The following EBF2 variants were observed in gnomAD, a reference collection of about 807,000 sequenced individuals.
The protein encoded by EBF2 is transcription factor COE2.
In EBF2, 21 loss-of-function variants were observed where a neutral mutation model predicts 72.8. The ratio of observed to expected loss-of-function variants is 0.29; its 90% confidence interval spans 0.20 to 0.42. The LOEUF is 0.42. EBF2 is among the 10% of genes least tolerant of loss of function. The pLI, the probability that EBF2 is intolerant of heterozygous loss-of-function variation, is 1.00. For synonymous variants in EBF2, 299 were observed against 274.2 expected (o/e 1.09, Z -0.89); for missense variants, 637 against 731.2 (o/e 0.87, Z 1.49).
chr8:25,852,222 G>GACAC (rs1309983050), intron 14 of EBF2, among the ~76,000 whole-genome samples: 1 of 152,130 alleles, frequency 6.6e-6, no homozygotes, highest in African/African-American at 2.4e-5. Context: ...ACATAATAAG[G>GACAC]ACACAGGGTT....
intron 14 of EBF2, among the ~76,000 whole-genome samples, chr8:25,854,731 G>A (rs1296438969): frequency 1.3e-5 from 2 of 151,870 alleles, no homozygotes; most frequent in Admixed American, 6.6e-5. Context: ...GTGGGAGTAC[G>A]CTTTCTTTTA....
At chr8:25,938,555 C>A (rs1282322856) in intron 6 of EBF2, among the ~76,000 whole-genome samples, 1 of 152,076 alleles carries the variant, frequency 6.6e-6, no homozygotes, top group East Asian at 1.9e-4. Flanking sequence ...GAGCTATGAT[C>A]ATTGACAGAA....
chr8:26,041,212 C>G (rs1218095287), intron 2 of EBF2: 1 of 606,498 alleles, frequency 1.6e-6, no homozygotes, highest in South Asian at 2.0e-5. Context: ...CCACTTGACC[C>G]TTTCCAGCCC....
chr8:25,938,013 T>G (rs1407229804), intron 6 of EBF2, among the ~76,000 whole-genome samples: 2 of 152,152 alleles, frequency 1.3e-5, no homozygotes, highest in Non-Finnish European at 2.9e-5. Flanking sequence ...GCAGTAACTT[T>G]TATGTCTTAT....
chr8:25,957,783 T>C (rs1803973484), intron 6 of EBF2, among the ~76,000 whole-genome samples: 1 of 152,202 alleles, frequency 6.6e-6, no homozygotes, highest in Non-Finnish European at 1.5e-5. Flanking sequence ...AAAGGATCAC[T>C]TGAGCCCAGG....
intron 1 of EBF2, among the ~76,000 whole-genome samples, chr8:26,043,066 G>T (rs1805632926): frequency 6.6e-6 from 1 of 152,228 alleles, no homozygotes; most frequent in African/African-American, 2.4e-5. Context: ...CACTCATGCT[G>T]CGTTTTCTGG....
intron 6 of EBF2, among the ~76,000 whole-genome samples, chr8:26,012,419 C>A (rs6997320): frequency 0.15 from 22,105 of 152,088 alleles, 1,731 homozygotes; most frequent in Non-Finnish European, 0.18. Flanking sequence ...GAGAAATATG[C>A]CTTAACCCTA....
chr8:25,867,026 A>C (rs1457978642), intron 10 of EBF2, among the ~76,000 whole-genome samples: 1 of 152,202 alleles, frequency 6.6e-6, no homozygotes, highest in Non-Finnish European at 1.5e-5. Context: ...AGATATAACC[A>C]TTAATACCAG....
intron 14 of EBF2, 104 bp from the exon 15 acceptor site, chr8:25,850,865 C>G (rs1030488519): frequency 7.5e-7 from 1 of 1,329,106 alleles, no homozygotes; most frequent in Non-Finnish European, 1.0e-6. Flanking sequence ...ATGCATTGTT[C>G]CAGATTGCAG....
Position 25,973,591 on chromosome 8 carries a change from A to G in EBF2, c.551+59494T>C, listed in dbSNP as rs570903772. 3.9e-5 allele frequency among the ~76,000 whole-genome samples: 6 copies of G among 152,338 alleles called. No individual in the cohort carries two copies. The South Asian group carries it at 1.2e-3, about 32-fold the overall frequency. On this transcript the variant is annotated intron_variant, in intron 6 of 15. Coordinates refer to ENST00000520164, the MANE Select transcript of EBF2 (RefSeq NM_022659.4). ...AAAGTTAACTTAAAAGAAAACAAAC[A>G]ACTCTCAAATCACATTTCCATCCTC...
At chr8:25,890,460 G>C (rs190049583) in intron 7 of EBF2, among the ~76,000 whole-genome samples, 22 of 152,318 alleles carry the variant, frequency 1.4e-4, no homozygotes, top group Non-Finnish European at 3.1e-4. Context: ...ATGAGGGTGA[G>C]GGGAGAGGTG....
chr8:25,998,731 T>C (rs1804675717), intron 6 of EBF2, among the ~76,000 whole-genome samples: 1 of 152,218 alleles, frequency 6.6e-6, no homozygotes, highest in African/African-American at 2.4e-5. Flanking sequence ...TAATTTGTTA[T>C]TGGCTGTGTA....
chr8:25,863,878 T>C (rs1476896839), intron 10 of EBF2, among the ~76,000 whole-genome samples: 2 of 152,156 alleles, frequency 1.3e-5, no homozygotes, highest in Non-Finnish European at 2.9e-5. Context: ...TTCAGAGACA[T>C]ACCGTTCACA....
intron 13 of EBF2, among the ~76,000 whole-genome samples, chr8:25,860,682 A>G (rs534822595): frequency 6.8e-6 from 1 of 146,368 alleles, no homozygotes; most frequent in South Asian, 2.1e-4. Context: ...TGCCCACCAC[A>G]CCTGGCTATT....
At chr8:25,857,989 C>T (rs187290800) in intron 14 of EBF2, 70 of 425,258 alleles carry the variant, frequency 1.6e-4, no homozygotes, top group African/African-American at 1.2e-3. Flanking sequence ...TAAAATATTA[C>T]ATCTGAAAGT....
At chr8:26,033,628 T>C (rs1285485961) in intron 5 of EBF2, among the ~76,000 whole-genome samples, 1 of 152,114 alleles carries the variant, frequency 6.6e-6, no homozygotes, top group Non-Finnish European at 1.5e-5. Flanking sequence ...TCAGGAAGAA[T>C]AGCTAATGGA....
At chr8:25,985,434 C>T (rs73675761) in intron 6 of EBF2, among the ~76,000 whole-genome samples, 17 of 152,234 alleles carry the variant, frequency 1.1e-4, no homozygotes, top group African/African-American at 3.6e-4. Flanking sequence ...GAGTCAGCCT[C>T]GCTCTAATGA....
At chr8:25,891,572 C>G (rs2117295009) in intron 7 of EBF2, among the ~76,000 whole-genome samples, 1 of 150,524 alleles carries the variant, frequency 6.6e-6, no homozygotes, top group African/African-American at 2.5e-5. Flanking sequence ...GGGGCTTGAT[C>G]CTGTCGTATT....
At chr8:25,877,128 A>G (rs1802536231) in intron 10 of EBF2, among the ~76,000 whole-genome samples, 1 of 152,204 alleles carries the variant, frequency 6.6e-6, no homozygotes, top group Non-Finnish European at 1.5e-5. Context: ...TTACAATTAG[A>G]GACAATGACA....
Sources: gnomAD v4.1 joint callset for allele counts (sites outside exome capture counted in the v4.1 genomes callset) on GRCh38, gnomAD v4.1.1 for gene constraint, MANE v1.5 for transcripts, NCBI Gene and HGNC (gene_info 2026-07-23, HGNC 2026-07-21) for gene names.